The following SUGCT variants were observed in gnomAD, a reference collection of about 807,000 sequenced individuals.
SUGCT encodes succinyl-CoA:glutarate-CoA transferase.
In SUGCT, 41 loss-of-function variants were observed where a neutral mutation model predicts 55.0. That is an observed-to-expected ratio of 0.74 (90% CI 0.58 to 0.97). SUGCT has a LOEUF of 0.97. Among genes scored for constraint, SUGCT ranks in the 50% least tolerant of loss-of-function variants. SUGCT has a pLI of 0.00. For missense variants in SUGCT, 568 were observed against 547.8 expected, an observed-to-expected ratio of 1.04 and a Z score of -0.37; for synonymous variants, 187 against 200.4, an observed-to-expected ratio of 0.93 and a Z score of 0.56.
intron 12 of SUGCT, among the ~76,000 whole-genome samples, chr7:40,545,283 A>C (rs540064859): frequency 6.6e-6 from 1 of 152,364 alleles, no homozygotes; most frequent in South Asian, 2.1e-4. Context: ...AGTGAAGGTC[A>C]ATGAAAGGTC....
At chr7:40,289,760 T>C (rs1365641605) in intron 8 of SUGCT, among the ~76,000 whole-genome samples, 6 of 152,208 alleles carry the variant, frequency 3.9e-5, no homozygotes, top group South Asian at 2.1e-4. Flanking sequence ...AAAACCCCAT[T>C]GTCTCAGCCC....
At chr7:40,480,671 T>C (rs1029570644) in intron 11 of SUGCT, among the ~76,000 whole-genome samples, 4 of 152,238 alleles carry the variant, frequency 2.6e-5, no homozygotes, top group African/African-American at 7.2e-5. Flanking sequence ...CTGTATCTTC[T>C]TTAATATTCT....
At chr7:40,997,383 A>G in the SUGCT span, among the ~76,000 whole-genome samples, 2 of 152,210 alleles carry the variant, frequency 1.3e-5, no homozygotes, top group South Asian at 2.1e-4. Flanking sequence ...CCCCGCTGTC[A>G]GCTCCATTCT....
At chr7:40,933,935 C>T in the SUGCT span, among the ~76,000 whole-genome samples, 1 of 152,196 alleles carries the variant, frequency 6.6e-6, no homozygotes, top group African/African-American at 2.4e-5. Flanking sequence ...GCCTACTTCT[C>T]TCAACTCATC....
At position 40,383,071 on chromosome 7, in the gene SUGCT, A is replaced by G. The variant is rs573320385; in HGVS notation, c.816+66216A>G. ...TGGAGATTTATGGTGCTATAAAAGC[A>G]TTACGTGGAGGGATTTGATGTAGTC... is the stretch of plus-strand genomic sequence containing the variant. On this transcript the variant is annotated intron_variant, in intron 9 of 13. Transcript: ENST00000335693. Among the ~76,000 whole-genome samples the G allele has an allele frequency of 7.2e-5, 11 of 152,348 alleles. No individual in the cohort carries two copies. The South Asian group carries it at 2.1e-3, about 29-fold the overall frequency.
intron 12 of SUGCT, among the ~76,000 whole-genome samples, chr7:40,524,475 TA>T (rs1448287926): frequency 1.3e-5 from 2 of 152,136 alleles, no homozygotes; most frequent in African/African-American, 4.8e-5. Flanking sequence ...TATTTATTTT[TA>T]AAAACATTTG....
At chr7:40,955,473 T>A in the SUGCT span, among the ~76,000 whole-genome samples, 50,567 of 152,034 alleles carry the variant, frequency 0.33, 9,130 homozygotes, top group Admixed American at 0.45. Context: ...TGATTTATGC[T>A]TGTTGATTTT....
chr7:40,976,080 A>T, the SUGCT span, among the ~76,000 whole-genome samples: 2 of 152,172 alleles, frequency 1.3e-5, no homozygotes, highest in African/African-American at 4.8e-5. Flanking sequence ...TCAGGGTTGG[A>T]TGGTTCAAAC....
At chr7:40,488,584 G>A (rs1791514708) in intron 11 of SUGCT, among the ~76,000 whole-genome samples, 1 of 152,134 alleles carries the variant, frequency 6.6e-6, no homozygotes, top group Non-Finnish European at 1.5e-5. Context: ...TTATACTTCA[G>A]ATTTTTCATA....
rs190916509 is a variant in SUGCT, at chr7:40,523,175, T to A, written c.1089+26789T>A. On this transcript the variant is annotated intron_variant, in intron 12 of 13. Transcript: ENST00000335693. ...AACCAAGAATATTGGTGGATATTAT[T>A]CTTTTTTATATGATATTATTGGATA... Among the ~76,000 whole-genome samples the A allele has an allele frequency of 8.0e-4, 122 of 152,198 alleles. 1 individual carries two copies. Among genetic ancestry groups the A allele is most frequent in the Middle Eastern group, 6.8e-3 (2 of 294 alleles).
chr7:40,205,475 C>T (rs12535438), intron 6 of SUGCT, among the ~76,000 whole-genome samples: 1 of 151,678 alleles, frequency 6.6e-6, no homozygotes, highest in Non-Finnish European at 1.5e-5. Flanking sequence ...AACCCCATCT[C>T]TACTAAAAAT....
intron 9 of SUGCT, among the ~76,000 whole-genome samples, chr7:40,384,700 C>A (rs149584066): frequency 6.6e-6 from 1 of 152,018 alleles, no homozygotes; most frequent in East Asian, 1.9e-4. Flanking sequence ...CCTGCTACCA[C>A]GCCTGGCTTT....
intron 9 of SUGCT, among the ~76,000 whole-genome samples, chr7:40,439,062 GTGTATATA>G (rs1194631703): frequency 0.024 from 1,131 of 46,812 alleles, 114 homozygotes; most frequent in Middle Eastern, 0.037. Flanking sequence ...TATATATATG[GTGTATATA>G]TATATATATA....
At chr7:40,636,023 T>C (rs1421575826) in intron 12 of SUGCT, among the ~76,000 whole-genome samples, 2 of 152,234 alleles carry the variant, frequency 1.3e-5, no homozygotes, top group Non-Finnish European at 2.9e-5. Flanking sequence ...TATATACCTA[T>C]GTGATGTACT....
chr7:40,480,342 T>C lies in SUGCT; in HGVS notation c.987-15942T>C, dbSNP rs1046052737. Among the ~76,000 whole-genome samples, 6 of 152,306 alleles carry C rather than the reference T, an allele frequency of 3.9e-5. No homozygotes were observed. In the South Asian group the frequency reaches 1.2e-3, roughly 32 times the overall value. On this transcript the variant is annotated intron_variant, in intron 11 of 13. Transcript: ENST00000335693. ...ATTTCACTGTAGATGCATGGATTTA[T>C]TTCTAGACTCTCTATTCTGTTCCAT...
chr7:40,895,842 T>C, the SUGCT span, among the ~76,000 whole-genome samples: 1 of 152,222 alleles, frequency 6.6e-6, no homozygotes, highest in Admixed American at 6.5e-5. Flanking sequence ...AGTATGGTAC[T>C]GTGGGCCTCA....
At chr7:40,409,163 C>T (rs781765169) in intron 9 of SUGCT, among the ~76,000 whole-genome samples, 9 of 152,180 alleles carry the variant, frequency 5.9e-5, no homozygotes, top group Non-Finnish European at 8.8e-5. Context: ...CCATGATGCC[C>T]AGGCTGGTCT....
At chr7:40,255,660 CAAAAAAAAAAAAA>C (rs70996898) in intron 7 of SUGCT, among the ~76,000 whole-genome samples, 2 of 54,192 alleles carry the variant, frequency 3.7e-5, no homozygotes, top group Non-Finnish European at 6.0e-5. Flanking sequence ...GACTCTGTAT[CAAAAAAAAAAAAA>C]AAAAAAAAAA....
In SUGCT at chr7:40,847,412, T is replaced by TTTC. The variant is rs70990649; in HGVS notation, c.1154-12902_1154-12901insCTT. On this transcript the variant is annotated intron_variant, in intron 13 of 13. Coordinates refer to ENST00000335693, the MANE Select transcript of SUGCT (RefSeq NM_001193313.2). ...CATATACATTTCTTTTCTTTCTTTC[T>TTTC]TTTTTTTTTTTTTTTTTTTTTTGAG... Among the ~76,000 whole-genome samples, 3 of 50,212 alleles carry TTTC rather than the reference T, an allele frequency of 6.0e-5. 1 individual carries two copies. In the Admixed American group the frequency reaches 6.8e-4, roughly 11 times the overall value. 32.9% of individuals were successfully genotyped at this position (50,212 alleles called of 152,430 possible). A position where few individuals can be genotyped will look rare whatever the true frequency, so the allele number is the denominator to read the frequency against.
Sources: gnomAD v4.1 joint callset for allele counts (sites outside exome capture counted in the v4.1 genomes callset) on GRCh38, gnomAD v4.1.1 for gene constraint, MANE v1.5 for transcripts, NCBI Gene and HGNC (gene_info 2026-07-23, HGNC 2026-07-21) for gene names.